AMBRA1: variants seen among roughly 807,000 people sequenced by gnomAD.
The protein encoded by AMBRA1 is activating molecule in BECN1-regulated autophagy protein 1.
Under a neutral mutation model 125.4 loss-of-function variants are expected in AMBRA1, and 47 were observed. That is an observed-to-expected ratio of 0.37 (90% confidence interval 0.30 to 0.48). The LOEUF (loss-of-function observed/expected upper bound fraction) is 0.48. Among genes scored for constraint, AMBRA1 ranks in the 20% least tolerant of loss-of-function variants. AMBRA1 has a pLI of 0.99. For synonymous variants in AMBRA1, 626 were observed against 655.5 expected, an observed-to-expected ratio of 0.95 and a Z score of 0.69; for missense variants, 1,331 against 1,693.4, an observed-to-expected ratio of 0.79 and a Z score of 3.76.
intron 1 of AMBRA1, among the ~76,000 whole-genome samples, chr11:46,574,518 T>G (rs912611598): frequency 6.6e-6 from 1 of 151,772 alleles, no homozygotes; most frequent in Admixed American, 6.6e-5. Context: ...GGGTTGTTTG[T>G]TTTTTTCTTG....
chr11:46,417,398 A>G (rs188368571), intron 15 of AMBRA1, among the ~76,000 whole-genome samples: 29 of 152,334 alleles, frequency 1.9e-4, no homozygotes, highest in Admixed American at 7.2e-4. Context: ...CTAGAGCTCC[A>G]AGCAGAAAGG....
chr11:46,457,882 C>A (rs1447225666), intron 11 of AMBRA1, among the ~76,000 whole-genome samples: 1 of 142,322 alleles, frequency 7.0e-6, no homozygotes, highest in East Asian at 2.0e-4. Context: ...CTCCAGCCTG[C>A]GTGACAGGGC....
chr11:46,462,356 C>T (rs1949131934), intron 11 of AMBRA1, among the ~76,000 whole-genome samples: 1 of 152,186 alleles, frequency 6.6e-6, no homozygotes, highest in Non-Finnish European at 1.5e-5. Flanking sequence ...CAACACTAAG[C>T]GCCGGGCCCT....
Position 46,417,804 on chromosome 11 carries a change from C to T in AMBRA1, c.3116+109G>A, listed in dbSNP as rs1218888920. 6 of 1,354,420 alleles carry T rather than the reference C, an allele frequency of 4.4e-6. No individual in the cohort carries two copies. The Admixed American group carries it at 1.3e-4, about 29-fold the overall frequency. The allele number at this position is 1,354,420 out of a possible 1,614,324, so 83.9% of individuals were successfully genotyped here. On this transcript the variant is annotated intron_variant, in intron 15 of 17. Coordinates refer to ENST00000683756, the MANE Select transcript of AMBRA1 (RefSeq NM_001387011.1). ...GGAGTGGCGCTGAGAATGAGGCAGG[C>T]TCTAGATGGATTGACATTTCCCTTC...
chr11:46,411,607 T>TGCA (rs1946301687), intron 15 of AMBRA1, among the ~76,000 whole-genome samples: 1 of 152,148 alleles, frequency 6.6e-6, no homozygotes, highest in African/African-American at 2.4e-5. Context: ...CAGCTGAGAT[T>TGCA]GCAGATGTGT....
At chr11:46,582,934 C>CA (rs568866275) in intron 1 of AMBRA1, among the ~76,000 whole-genome samples, 1,809 of 136,656 alleles carry the variant, frequency 0.013, 37 homozygotes, top group African/African-American at 0.045. Flanking sequence ...TTTCATAACT[C>CA]AAAAAAAAAA....
chr11:46,492,338 C>T (rs1565214688), intron 11 of AMBRA1, among the ~76,000 whole-genome samples: 1 of 152,226 alleles, frequency 6.6e-6, no homozygotes, highest in Non-Finnish European at 1.5e-5. Flanking sequence ...GATGCTGTCA[C>T]AGCAGCTTGG....
intron 9 of AMBRA1, among the ~76,000 whole-genome samples, chr11:46,495,995 T>C (rs1950616934): frequency 6.6e-6 from 1 of 152,176 alleles, no homozygotes; most frequent in Non-Finnish European, 1.5e-5. Flanking sequence ...TGTGCATCTG[T>C]AGTCTCAGTT....
intron 4 of AMBRA1, among the ~76,000 whole-genome samples, chr11:46,546,552 T>C (rs1282089003): frequency 4.0e-5 from 6 of 150,774 alleles, no homozygotes; most frequent in African/African-American, 1.5e-4. Context: ...CACAACGGGC[T>C]GAAGGAAGCA....
At chr11:46,405,956 C>T (rs1469828034) in intron 17 of AMBRA1, among the ~76,000 whole-genome samples, 4 of 151,696 alleles carry the variant, frequency 2.6e-5, no homozygotes, top group African/African-American at 9.7e-5. Context: ...TGGTCTTGAA[C>T]TCCAGGACTC....
intron 11 of AMBRA1, among the ~76,000 whole-genome samples, chr11:46,475,050 T>C (rs1220341155): frequency 6.6e-6 from 1 of 152,008 alleles, no homozygotes; most frequent in Non-Finnish European, 1.5e-5. Context: ...ATGAGTGAGG[T>C]GAATTGAATA....
At position 46,493,678 on chromosome 11, in the gene AMBRA1, A is replaced by G. The variant is rs1950540314; in HGVS notation, c.2451T>C (p.Tyr817=). The change falls in exon 11 of 18, where the codon TAT becomes TAC. Residue 817 remains tyrosine (Y), a synonymous_variant. Transcript: ENST00000683756. ...RRFLLPEYLP[Y]AGIFHERGQP... is the part of the protein sequence containing the mutation. ...GTCCACGTTCATGAAAAATCCCAGC[A>G]TAAGGCAAGTACTCAGGCAGCAAGA... 1 of 1,603,134 alleles carries G rather than the reference A, an allele frequency of 6.2e-7. No individual in the cohort carries two copies. Among genetic ancestry groups the G allele is most frequent in the Non-Finnish European group, 8.5e-7 (1 of 1,177,044 alleles).
chr11:46,506,860 C>G (rs1162979546), intron 9 of AMBRA1, among the ~76,000 whole-genome samples: 2 of 152,006 alleles, frequency 1.3e-5, no homozygotes, highest in Non-Finnish European at 1.5e-5. Context: ...AATGCAAAAC[C>G]CAGCAATAAG....
chr11:46,476,221 T>A (rs1590904499), intron 11 of AMBRA1, among the ~76,000 whole-genome samples: 1 of 152,132 alleles, frequency 6.6e-6, no homozygotes, highest in African/African-American at 2.4e-5. Context: ...TACCTCCAAA[T>A]CCCATGGCCA....
chr11:46,468,186 T>C (rs1050823976), intron 11 of AMBRA1, among the ~76,000 whole-genome samples: 2 of 151,760 alleles, frequency 1.3e-5, no homozygotes, highest in African/African-American at 2.4e-5. Flanking sequence ...CAATAGATGA[T>C]AAAGAATATG....
chr11:46,514,995 T>C (rs1951414248), intron 7 of AMBRA1, among the ~76,000 whole-genome samples: 1 of 152,180 alleles, frequency 6.6e-6, no homozygotes, highest in Non-Finnish European at 1.5e-5. Context: ...AGGAACTGGG[T>C]GTGAGTTGAA....
intron 8 of AMBRA1, among the ~76,000 whole-genome samples, chr11:46,512,240 C>G (rs1273599112): frequency 6.6e-6 from 1 of 152,240 alleles, no homozygotes; most frequent in Non-Finnish European, 1.5e-5. Flanking sequence ...TCGGTCGTCT[C>G]TTCCTTTGGG....
At position 46,441,406 on chromosome 11, in the gene AMBRA1, C is replaced by G. The variant is rs189313451; in HGVS notation, c.2632+2082G>C. On this transcript the variant is annotated intron_variant, in intron 12 of 17. Transcript: ENST00000683756. ...GCGTGCACCTGTAGTCCCAGCTACT[C>G]GGGAGGCTGAGGCGGGAGAATCGCA... 2.5e-4 allele frequency among the ~76,000 whole-genome samples: 38 copies of G among 151,894 alleles called. No individual in the cohort carries two copies. The East Asian group carries it at 6.4e-3, about 26-fold the overall frequency.
At chr11:46,547,774 C>G (rs1308657407) in intron 3 of AMBRA1, 43 bp downstream of exon 3, 1 of 1,566,610 alleles carries the variant, frequency 6.4e-7, no homozygotes, top group African/African-American at 1.4e-5. Flanking sequence ...ATACAGAAAG[C>G]ACTGTTATCA....
Sources: gnomAD v4.1 joint callset for allele counts (sites outside exome capture counted in the v4.1 genomes callset) on GRCh38, gnomAD v4.1.1 for gene constraint, MANE v1.5 for transcripts, NCBI Gene and HGNC (gene_info 2026-07-23, HGNC 2026-07-21) for gene names.